Variants in XKR7 observed in about 807,000 individuals in gnomAD.
The protein encoded by XKR7 is XK-related protein 7.
XKR7 carries 11 observed loss-of-function variants against 42.2 expected under a neutral mutation model. The observed-to-expected ratio is 0.26, with a 90% confidence interval of 0.16 to 0.43. The LOEUF is 0.43. Ranked by LOEUF, XKR7 falls within the 20% of genes least tolerant of loss-of-function variation. The pLI is 1.00. For missense variants in XKR7, 710 were observed against 802.2 expected (o/e 0.89, Z 1.39); for synonymous variants, 346 against 366.4 (o/e 0.94, Z 0.64).
rs768773980 is a variant in XKR7 at position 31,998,566 on chromosome 20, C to A, written c.*1109C>A. On this transcript the variant is annotated 3_prime_UTR_variant, in exon 3 of 3. Coordinates refer to ENST00000562532, the MANE Select transcript of XKR7 (RefSeq NM_001011718.2). Reference sequence around the variant, plus strand: ...TGGTGGGGGAGAAGAGGTTCTAGAGCCCAGCGTGAATGGAATTTTCTAGGA... The same window carrying A: ...TGGTGGGGGAGAAGAGGTTCTAGAGACCAGCGTGAATGGAATTTTCTAGGA... The A allele has an allele frequency of 2.6e-5, 4 of 152,168 alleles. No homozygotes were observed. Among genetic ancestry groups the A allele is most frequent in the Non-Finnish European group, 5.9e-5 (4 of 68,066 alleles). The allele number at this position is 152,168 out of a possible 1,614,324, so 9.4% of individuals were successfully genotyped here.
intron 1 of XKR7, among the ~76,000 whole-genome samples, chr20:31,989,012 AC>A (rs2064555816): frequency 6.6e-6 from 1 of 152,190 alleles, no homozygotes; most frequent in Admixed American, 6.5e-5. Flanking sequence ...ATCAAGACAG[AC>A]GAGATCCCTG....
chr20:31,981,400 G>C (rs1383951814), intron 1 of XKR7, among the ~76,000 whole-genome samples: 1 of 151,136 alleles, frequency 6.6e-6, no homozygotes, highest in Non-Finnish European at 1.5e-5. Context: ...CAATAAAAAA[G>C]ATAAAGACCA....
In XKR7 at chr20:31,968,363, C is replaced by T. The variant is rs1294070844; in HGVS notation, c.188C>T (p.Ala63Val). 2 of 1,610,330 alleles carry T rather than the reference C, an allele frequency of 1.2e-6. No homozygotes were observed. Among genetic ancestry groups the T allele is most frequent in the Non-Finnish European group, 1.7e-6 (2 of 1,179,274 alleles). ...CGGGACTGCTGCTGGGTGCTGTGCG[C>T]GCTGCTCGTGTTCTTCTCCGACGGT... ...ELRDCCWVLC[A>V]LLVFFSDGAT... The change falls in exon 1 of 3, where the codon GCG becomes GTG. Residue 63 changes from alanine to valine, a missense_variant. Transcript: ENST00000562532. The surrounding 1 kb of genome is among the most constrained non-coding windows in gnomAD (Gnocchi z 4.5).
intron 1 of XKR7, 147 bp from the exon 2 acceptor site, chr20:31,994,921 C>G (rs989288667): frequency 5.1e-6 from 7 of 1,367,598 alleles, no homozygotes; most frequent in Admixed American, 2.8e-5. Flanking sequence ...ATAAGGTGAT[C>G]CTTTCGAAAT....
chr20:31,989,851 G>T (rs1163190215), intron 1 of XKR7, among the ~76,000 whole-genome samples: 2 of 152,224 alleles, frequency 1.3e-5, no homozygotes, highest in African/African-American at 2.4e-5. Flanking sequence ...GGGCTCAAGT[G>T]ATCCTCCCGC....
intron 1 of XKR7, among the ~76,000 whole-genome samples, chr20:31,981,064 C>CAAAAAA (rs1304530509): frequency 1.1e-5 from 1 of 94,478 alleles, no homozygotes; most frequent in African/African-American, 3.9e-5. Flanking sequence ...GACCCTGTCT[C>CAAAAAA]AAAAAAAAAA....
At chr20:31,992,508 G>GT (rs1286547960) in intron 1 of XKR7, among the ~76,000 whole-genome samples, 1 of 152,228 alleles carries the variant, frequency 6.6e-6, no homozygotes, top group Admixed American at 6.5e-5. Context: ...TGGGCAGCGT[G>GT]TGAGCAGTGG....
intron 1 of XKR7, among the ~76,000 whole-genome samples, chr20:31,976,529 T>G (rs1046150889): frequency 6.6e-6 from 1 of 151,840 alleles, no homozygotes; most frequent in Non-Finnish European, 1.5e-5. Context: ...GGATTACATG[T>G]GCCCACCCCC....
intron 1 of XKR7, among the ~76,000 whole-genome samples, chr20:31,973,189 C>G (rs759707702): frequency 1.2e-4 from 19 of 152,138 alleles, no homozygotes; most frequent in Non-Finnish European, 2.6e-4. Context: ...GGGCTTTGCT[C>G]CCTGTGGAAC....
At chr20:31,987,550 A>G (rs1205522618) in intron 1 of XKR7, among the ~76,000 whole-genome samples, 1 of 151,366 alleles carries the variant, frequency 6.6e-6, no homozygotes, top group Non-Finnish European at 1.5e-5. Context: ...AGCATCCAAG[A>G]CACAGACAGA....
intron 2 of XKR7, 31 bp from the exon 3 acceptor site, chr20:31,996,463 GCCCCTAACCCA>G: frequency 3.1e-5 from 1 of 32,486 alleles, no homozygotes. Context: ...ACCCGAGCCC[GCCCCTAACCCA>G]GCCCACCCCG....
At position 31,968,608 on chromosome 20, in the gene XKR7, G is replaced by A. The variant is rs769305423; in HGVS notation, c.433G>A (p.Ala145Thr). 8 of 1,605,294 alleles carry A rather than the reference G, an allele frequency of 5.0e-6. No individual in the cohort carries two copies. In the African/African-American group the frequency reaches 9.3e-5, roughly 19 times the overall value. Residue 145 changes from alanine to threonine, a missense_variant, in exon 1 of 3, where the codon GCC becomes ACC. By Grantham distance (58) the Ala-to-Thr change is moderately conservative. Coordinates refer to ENST00000562532, the MANE Select transcript of XKR7 (RefSeq NM_001011718.2). This position sits in a 1 kb window ranked among gnomAD's most constrained non-coding sequence, Gnocchi z 4.5. ...GGAAISTKDS[A>T]GAFRTKEGSP... ...AGCCGCCATCAGCACCAAGGACAGC[G>A]CCGGCGCCTTCCGGACCAAAGAAGG...
chr20:31,970,637 CAG>C (rs2067772794), intron 1 of XKR7: 1 of 152,142 alleles, frequency 6.6e-6, no homozygotes, highest in Non-Finnish European at 1.5e-5. Flanking sequence ...TTTAAAAACC[CAG>C]AGTCGTAGCT....
intron 1 of XKR7, among the ~76,000 whole-genome samples, chr20:31,979,784 T>C (rs2122258292): frequency 6.6e-6 from 1 of 152,156 alleles, no homozygotes; most frequent in South Asian, 2.1e-4. Context: ...GCTTATGACA[T>C]ACCAAATCCA....
rs1015562470 is a variant in XKR7, at chr20:31,995,116, G to A, written c.633G>A (p.Glu211=). 6 of 1,557,200 alleles carry A rather than the reference G, an allele frequency of 3.9e-6. No individual in the cohort carries two copies. Among genetic ancestry groups the A allele is most frequent in the Admixed American group, 3.8e-5 (2 of 52,226 alleles). The change falls in exon 2 of 3, where the codon GAG becomes GAA. Residue 211 remains glutamate (E), a synonymous_variant. Transcript: ENST00000562532. This position sits in a 1 kb window ranked among gnomAD's most constrained non-coding sequence, Gnocchi z 4.1. The part of the protein sequence containing the change: ...YLGLQSRWRG[E]RLRRHFYWQM... ...GGCTGCAGAGCCGCTGGCGCGGGGAGCGGCTGCGGCGCCACTTCTACTGGC... is the reference window on the plus strand; with the variant it reads ...GGCTGCAGAGCCGCTGGCGCGGGGAACGGCTGCGGCGCCACTTCTACTGGC...
chr20:31,994,043 A>G, intron 1 of XKR7, among the ~76,000 whole-genome samples: 2 of 152,170 alleles, frequency 1.3e-5, no homozygotes, highest in Non-Finnish European at 2.9e-5. Context: ...TGTTGGGAGA[A>G]GTGGCATGAG....
chr20:31,988,405 C>T (rs1460745796), intron 1 of XKR7, among the ~76,000 whole-genome samples: 1 of 152,078 alleles, frequency 6.6e-6, no homozygotes, highest in African/African-American at 2.4e-5. Context: ...TTCACAGAGG[C>T]AGTGGGGTTC....
At chr20:31,986,757 C>CA in intron 1 of XKR7, among the ~76,000 whole-genome samples, 1 of 149,984 alleles carries the variant, frequency 6.7e-6, no homozygotes, top group Admixed American at 6.6e-5. Context: ...CACAGACAGA[C>CA]CACCAAGCAG....
intron 1 of XKR7, among the ~76,000 whole-genome samples, chr20:31,981,434 G>A (rs943375019): frequency 6.6e-6 from 1 of 152,160 alleles, no homozygotes; most frequent in African/African-American, 2.4e-5. Flanking sequence ...GCTCACGCCT[G>A]TAATCCCAGC....
Sources: gnomAD v4.1 joint callset for allele counts (sites outside exome capture counted in the v4.1 genomes callset) on GRCh38, gnomAD v4.1.1 for gene constraint, Gnocchi (gnomAD v3.1) non-coding constraint, MANE v1.5 for transcripts, NCBI Gene and HGNC (gene_info 2026-07-23, HGNC 2026-07-21) for gene names.